Variants in FMN1 observed in about 807,000 individuals in gnomAD.
The protein encoded by FMN1 is formin-1.
A neutral mutation model predicts 132.4 loss-of-function variants in FMN1; 110 were observed. The observed-to-expected ratio is 0.83, with a 90% CI of 0.71 to 0.97. FMN1 has a LOEUF of 0.97. Among genes scored for constraint, FMN1 ranks in the 50% least tolerant of loss-of-function variants. FMN1 has a pLI of 0.00. For synonymous variants in FMN1, 722 were observed against 651.7 expected (o/e 1.11, Z -1.64); for missense variants, 1,792 against 1,705.3 (o/e 1.05, Z -0.90).
In FMN1 at chr15:32,836,799, T is replaced by C. The variant is rs75739962; in HGVS notation, c.3928+20216A>G. 2.6e-5 allele frequency among the ~76,000 whole-genome samples: 4 copies of C among 152,314 alleles called. No homozygotes were observed. In the East Asian group the frequency reaches 7.7e-4, roughly 29 times the overall value. The stretch of plus-strand genomic sequence containing the variant: ...AGTTTCCAAAGCTGAACGTGCTCAC[T>C]TGGAGCCCAGTTTTCTGCTTCAAAT... On this transcript the variant is annotated intron_variant, in intron 17 of 20. Coordinates refer to ENST00000616417, the MANE Select transcript of FMN1 (RefSeq NM_001277313.2).
rs200635058 is a variant in FMN1 at position 32,886,998 on chromosome 15, G to GA, written c.3835+1173dup. Reference sequence around the variant, plus strand: ...AATTCATTCAACCACATCAATGGGAGAAAAAAAACCCACGTTCCTTTAAAA... The same window carrying GA: ...AATTCATTCAACCACATCAATGGGAGAAAAAAAAACCCACGTTCCTTTAAAA... On this transcript the variant is annotated intron_variant, in intron 16 of 20. Coordinates refer to ENST00000616417, the MANE Select transcript of FMN1 (RefSeq NM_001277313.2). Among the ~76,000 whole-genome samples, 775 of 149,442 alleles carry GA rather than the reference G, an allele frequency of 5.2e-3. 1 individual carries two copies. Among genetic ancestry groups the GA allele is most frequent in the Non-Finnish European group, 9.3e-3 (631 of 67,838 alleles).
chr15:32,863,485 TG>T (rs2059324092), intron 16 of FMN1, among the ~76,000 whole-genome samples: 1 of 152,160 alleles, frequency 6.6e-6, no homozygotes, highest in Admixed American at 6.5e-5. Flanking sequence ...ATTCAACACA[TG>T]TCTACTGAGC....
At chr15:33,016,352 G>A (rs978919925) in intron 6 of FMN1, among the ~76,000 whole-genome samples, 1 of 152,080 alleles carries the variant, frequency 6.6e-6, no homozygotes, top group Non-Finnish European at 1.5e-5. Flanking sequence ...CAAAATCTAA[G>A]AATAAAAATC....
rs113747119 is a variant in FMN1 at position 33,154,675 on chromosome 15, C to G, written c.240G>C (p.Thr80=). The G allele has an allele frequency of 6.5e-7, 1 of 1,535,948 alleles. No individual in the cohort carries two copies. The highest frequency in any genetic ancestry group is 2.0e-5 in the Admixed American group (1 of 50,962). ...PGDIFFKQTP[T]KDILTELYKL... is the part of the protein sequence containing the mutation. ...TGTACAGCTCAGTTAGAATGTCTTT[C>G]GTGGGAGTCTGCTTGAAAAATATGT... Residue 80 remains threonine (T), a synonymous_variant, in exon 4 of 21, where the codon ACG becomes ACC. Transcript: ENST00000616417.
chr15:33,022,382 A>C (rs2035457469), intron 6 of FMN1, among the ~76,000 whole-genome samples: 1 of 152,184 alleles, frequency 6.6e-6, no homozygotes, highest in African/African-American at 2.4e-5. Flanking sequence ...AGGATGAGCC[A>C]AACTGAAACA....
chr15:32,833,824 CA>C (rs1278668809), intron 17 of FMN1, among the ~76,000 whole-genome samples: 1 of 152,194 alleles, frequency 6.6e-6, no homozygotes, highest in Non-Finnish European at 1.5e-5. Context: ...GCCACAATTT[CA>C]ACTTCTGGAA....
At chr15:32,892,134 A>G (rs1462376949) in intron 15 of FMN1, among the ~76,000 whole-genome samples, 2 of 152,114 alleles carry the variant, frequency 1.3e-5, no homozygotes, top group Admixed American at 6.5e-5. Context: ...GTCTTGTTCC[A>G]GTTCTCAGAG....
In FMN1 at chr15:33,153,533, C is replaced by T; in HGVS notation, c.1382G>A (p.Gly461Glu). The change falls in exon 4 of 21, where the codon GGG becomes GAG. Residue 461 changes from glycine to glutamate, a missense_variant. Physicochemically the swap from Gly to Glu is moderately conservative, Grantham distance 98. Coordinates refer to ENST00000616417, the MANE Select transcript of FMN1 (RefSeq NM_001277313.2). ...RPETRNKRRAGLPLGGHKSLF... is the reference protein window; with the variant it reads ...RPETRNKRRAELPLGGHKSLF... ...GGACTTGTGGCCACCAAGGGGCAAC[C>T]CGGCTCTCCTCTTGTTTCTCGTTTC... 1.3e-6 allele frequency: 2 copies of T among 1,536,300 alleles called. No individual in the cohort carries two copies. The highest frequency in any genetic ancestry group is 1.7e-6 in the Non-Finnish European group (2 of 1,146,952).
chr15:32,806,016 T>C (rs1227774851), intron 17 of FMN1, among the ~76,000 whole-genome samples: 1 of 152,238 alleles, frequency 6.6e-6, no homozygotes, highest in Non-Finnish European at 1.5e-5. Context: ...AATCAGAAGA[T>C]ATATTATTAT....
chr15:32,979,226 G>C (rs1006855960), intron 7 of FMN1, among the ~76,000 whole-genome samples: 4 of 152,104 alleles, frequency 2.6e-5, no homozygotes, highest in South Asian at 2.1e-4. Flanking sequence ...AACAAGCTTT[G>C]ATGAGCATCT....
chr15:32,856,795 G>T (rs561869893), intron 17 of FMN1, among the ~76,000 whole-genome samples: 1 of 152,286 alleles, frequency 6.6e-6, no homozygotes, highest in Non-Finnish European at 1.5e-5. Flanking sequence ...TAACATTCAA[G>T]AATTTAAAAT....
chr15:33,124,620 A>G (rs777123327), intron 4 of FMN1, among the ~76,000 whole-genome samples: 32 of 152,190 alleles, frequency 2.1e-4, no homozygotes, highest in Non-Finnish European at 3.8e-4. Context: ...TTAATCTTCT[A>G]GAATGTATTT....
intron 16 of FMN1, among the ~76,000 whole-genome samples, chr15:32,879,737 A>T (rs958162292): frequency 2.6e-5 from 4 of 152,106 alleles, no homozygotes; most frequent in Non-Finnish European, 5.9e-5. Context: ...ATGTGATAAG[A>T]GGCAGAATTA....
chr15:32,823,898 A>T (rs963488496), intron 17 of FMN1, among the ~76,000 whole-genome samples: 1 of 152,252 alleles, frequency 6.6e-6, no homozygotes, highest in Non-Finnish European at 1.5e-5. Flanking sequence ...ACAAGGTGGA[A>T]GGCATGGAGC....
chr15:33,003,729 T>C (rs1487729208), intron 7 of FMN1, among the ~76,000 whole-genome samples: 3 of 152,334 alleles, frequency 2.0e-5, no homozygotes, highest in African/African-American at 4.8e-5. Context: ...AGAGCCCGCA[T>C]TGCCAAGTCA....
rs1436798368 is a variant in FMN1 at position 33,010,900 on chromosome 15, TA to T, written c.2162-2826del. Among the ~76,000 whole-genome samples, 607 of 143,208 alleles carry T rather than the reference TA, an allele frequency of 4.2e-3. 1 individual carries two copies. The highest frequency in any genetic ancestry group is 0.011 in the Middle Eastern group (3 of 280). 94.0% of individuals were successfully genotyped at this position (143,208 alleles called of 152,430 possible). A position where few individuals can be genotyped will look rare whatever the true frequency, so the allele number is the denominator to read the frequency against. On this transcript the variant is annotated intron_variant, in intron 6 of 20. Coordinates refer to ENST00000616417, the MANE Select transcript of FMN1 (RefSeq NM_001277313.2). Reference sequence around the variant, plus strand: ...GTAACATTTTATTGACATATTTTACTAAAAAAAAAAAAATAAACGCAGAAAG... The same window carrying T: ...GTAACATTTTATTGACATATTTTACTAAAAAAAAAAAATAAACGCAGAAAG...
chr15:32,949,824 T>A (rs1389705450), intron 9 of FMN1, among the ~76,000 whole-genome samples: 3 of 150,038 alleles, frequency 2.0e-5, no homozygotes, highest in Non-Finnish European at 4.4e-5. Flanking sequence ...AGGTTGAATA[T>A]CTAGCATCTG....
At chr15:33,057,760 G>A (rs1287357804) in intron 6 of FMN1, among the ~76,000 whole-genome samples, 1 of 151,966 alleles carries the variant, frequency 6.6e-6, no homozygotes, top group African/African-American at 2.4e-5. Flanking sequence ...TTTATCTTGG[G>A]GGGAAAAGTG....
intron 9 of FMN1, among the ~76,000 whole-genome samples, chr15:32,961,496 T>C (rs879756264): frequency 8.5e-5 from 13 of 152,224 alleles, no homozygotes; most frequent in Admixed American, 5.9e-4. Flanking sequence ...CAAGCTCACA[T>C]AGCAAGTCAA....
Sources: allele counts gnomAD v4.1 joint callset (sites outside exome capture counted in the v4.1 genomes callset), GRCh38; gene constraint gnomAD v4.1.1; transcripts MANE v1.5; gene names NCBI Gene and HGNC (gene_info 2026-07-23, HGNC 2026-07-21).